Variants in TESC observed in about 807,000 individuals in gnomAD.
TESC encodes the protein calcineurin B homologous protein 3.
TESC carries 19 observed loss-of-function variants against 31.0 expected under a neutral mutation model. That is an observed-to-expected ratio of 0.61 (90% confidence interval 0.43 to 0.90). The LOEUF (loss-of-function observed/expected upper bound fraction) is 0.90. Ranked by LOEUF, TESC falls within the 40% of genes least tolerant of loss-of-function variation. The pLI, the probability that TESC is intolerant of heterozygous loss-of-function variation, is 0.00. For synonymous variants in TESC, 109 were observed against 114.8 expected (o/e 0.95, Z 0.32); for missense variants, 248 against 303.8 (o/e 0.82, Z 1.36).
At chr12:117,075,041 G>A (rs1196973604) in intron 2 of TESC, among the ~76,000 whole-genome samples, 2 of 152,218 alleles carry the variant, frequency 1.3e-5, no homozygotes, top group Non-Finnish European at 2.9e-5. Flanking sequence ...AGCTACTCGG[G>A]AGGCTGAGGC....
chr12:117,082,479 G>T (rs74823780), intron 1 of TESC, among the ~76,000 whole-genome samples: 10 of 151,702 alleles, frequency 6.6e-5, no homozygotes, highest in Non-Finnish European at 1.2e-4. Context: ...TCCAGCCGGG[G>T]GGACAAGAGT....
intron 3 of TESC, among the ~76,000 whole-genome samples, chr12:117,054,895 A>C (rs1954699058): frequency 6.6e-6 from 1 of 152,132 alleles, no homozygotes; most frequent in African/African-American, 2.4e-5. Context: ...TGTGTCTGCC[A>C]CAGGCCCCAG....
At chr12:117,080,981 C>A (rs55638273) in intron 1 of TESC, among the ~76,000 whole-genome samples, 4,168 of 152,300 alleles carry the variant, frequency 0.027, 202 homozygotes, top group African/African-American at 0.093. Flanking sequence ...GGATGATGGG[C>A]AGAATGGGCT....
chr12:117,093,720 T>C (rs1301063545), intron 1 of TESC, among the ~76,000 whole-genome samples: 1 of 152,066 alleles, frequency 6.6e-6, no homozygotes, highest in African/African-American at 2.4e-5. Flanking sequence ...GTGTGGCAGA[T>C]GCCACGCGCC....
chr12:117,064,310 G>A (rs776903291), intron 2 of TESC, among the ~76,000 whole-genome samples: 6 of 152,296 alleles, frequency 3.9e-5, no homozygotes, highest in Non-Finnish European at 7.3e-5. Flanking sequence ...AATGTGCTAG[G>A]CAATTCTCCT....
In TESC at chr12:117,099,228, C is replaced by G; in HGVS notation, c.55G>C (p.Gly19Arg). ...EEVRELEGKT[G>R]FSSDQIEQLH... ...GCCGCCCCCCGCGGGTACTCACAGC[C>G]GGTCTTGCCCTCGAGCTCCCGCACC... Residue 19 changes from glycine to arginine, a missense_variant, in exon 1 of 8, where the codon GGC becomes CGC. Transcript: ENST00000335209. 6.8e-7 allele frequency: 1 copy of G among 1,481,152 alleles called. No homozygotes were observed. The highest frequency in any genetic ancestry group is 8.9e-7 in the Non-Finnish European group (1 of 1,123,674). 91.8% of individuals were successfully genotyped at this position (1,481,152 alleles called of 1,614,324 possible).
chr12:117,071,845 T>C (rs1954978436), intron 2 of TESC, among the ~76,000 whole-genome samples: 1 of 152,056 alleles, frequency 6.6e-6, no homozygotes, highest in African/African-American at 2.4e-5. Flanking sequence ...AGGAGGACGC[T>C]CCACCCACTC....
Position 117,081,560 on chromosome 12 carries a change from G to A in TESC, c.59-6220C>T, listed in dbSNP as rs562841982. 1.6e-3 allele frequency among the ~76,000 whole-genome samples: 241 copies of A among 152,262 alleles called. 1 individual carries two copies. Among genetic ancestry groups the A allele is most frequent in the African/African-American group, 5.6e-3 (233 of 41,526 alleles). On this transcript the variant is annotated intron_variant, in intron 1 of 7. Transcript: ENST00000335209. Reference sequence around the variant, plus strand: ...CAAATCCTGAGGAATTAAGACAGGCGTATAAAGATGAACAGATGAGGGTAA... The same window carrying A: ...CAAATCCTGAGGAATTAAGACAGGCATATAAAGATGAACAGATGAGGGTAA...
intron 1 of TESC, among the ~76,000 whole-genome samples, chr12:117,078,452 C>T (rs528807044): frequency 8.6e-5 from 13 of 151,992 alleles, no homozygotes; most frequent in South Asian, 4.2e-4. Flanking sequence ...GGCAAGAGAA[C>T]GAGACTCTGC....
At chr12:117,058,223 A>G (rs538186496) in intron 2 of TESC, among the ~76,000 whole-genome samples, 29 of 152,274 alleles carry the variant, frequency 1.9e-4, no homozygotes, top group African/African-American at 6.3e-4. Context: ...AAAACTTTTG[A>G]GTTTTGAGAC....
rs1954812904 is a variant in TESC at position 117,062,522 on chromosome 12, T to A, written c.129-5636A>T. 2.0e-5 allele frequency among the ~76,000 whole-genome samples: 3 copies of A among 152,292 alleles called. No homozygotes were observed. The South Asian group carries it at 6.2e-4, about 32-fold the overall frequency. ...CAGGTGTGAGCCACTGCACCCGGCC[T>A]GTGCCCATTTTAAAGATGAGGAAAC... On this transcript the variant is annotated intron_variant, in intron 2 of 7. Coordinates refer to ENST00000335209, the MANE Select transcript of TESC (RefSeq NM_017899.4).
chr12:117,091,551 C>T (rs920876684), intron 1 of TESC, among the ~76,000 whole-genome samples: 4 of 152,336 alleles, frequency 2.6e-5, no homozygotes, highest in South Asian at 2.1e-4. Flanking sequence ...CACCAATCTG[C>T]GGAGCGAGGA....
intron 2 of TESC, among the ~76,000 whole-genome samples, chr12:117,073,841 A>T (rs1955012343): frequency 6.6e-6 from 1 of 152,132 alleles, no homozygotes; most frequent in Non-Finnish European, 1.5e-5. Flanking sequence ...GCCACTCAGG[A>T]GGCTGAGGCG....
At chr12:117,079,529 T>C (rs1345925012) in intron 1 of TESC, among the ~76,000 whole-genome samples, 5 of 150,590 alleles carry the variant, frequency 3.3e-5, no homozygotes, top group Non-Finnish European at 7.4e-5. Flanking sequence ...GCCACTGCAC[T>C]CCAGACTGGG....
In TESC at chr12:117,039,032, G is replaced by A. The variant is rs1954441536; in HGVS notation, c.*101C>T. 7.5e-7 allele frequency: 1 copy of A among 1,325,268 alleles called. No individual in the cohort carries two copies. Among genetic ancestry groups the A allele is most frequent in the Admixed American group, 2.0e-5 (1 of 50,878 alleles). 82.1% of individuals were successfully genotyped at this position (1,325,268 alleles called of 1,614,324 possible). On this transcript the variant is annotated 3_prime_UTR_variant, in exon 8 of 8. Transcript: ENST00000335209. ...GCAGACGAGCCTTGGCTATGTACCG[G>A]CGCTGCAGGAAGAGGCTGTCCGCCG...
intron 3 of TESC, among the ~76,000 whole-genome samples, chr12:117,055,991 G>A (rs1954717903): frequency 6.6e-6 from 1 of 150,794 alleles, no homozygotes; most frequent in South Asian, 2.1e-4. Flanking sequence ...CATAATCTCG[G>A]CTCACTGCAA....
chr12:117,073,856 G>A (rs762167994), intron 2 of TESC, among the ~76,000 whole-genome samples: 10 of 151,994 alleles, frequency 6.6e-5, no homozygotes, highest in Non-Finnish European at 1.0e-4. Flanking sequence ...GAGGCGGGGG[G>A]ACTGCTTGAG....
chr12:117,072,378 C>T (rs561095326), intron 2 of TESC, among the ~76,000 whole-genome samples: 9 of 152,300 alleles, frequency 5.9e-5, no homozygotes, highest in East Asian at 1.9e-4. Context: ...TCACAGTGCC[C>T]GGCCGACTGC....
intron 2 of TESC, among the ~76,000 whole-genome samples, chr12:117,067,824 G>A (rs189120533): frequency 3.9e-4 from 59 of 152,340 alleles, no homozygotes; most frequent in Middle Eastern, 3.4e-3. Flanking sequence ...CCATGTGAGC[G>A]TTGAGCCCAG....
Sources: gnomAD v4.1 joint callset for allele counts (sites outside exome capture counted in the v4.1 genomes callset) on GRCh38, gnomAD v4.1.1 for gene constraint, MANE v1.5 for transcripts, NCBI Gene and HGNC (gene_info 2026-07-23, HGNC 2026-07-21) for gene names.